The following PAK2 variants were observed in gnomAD, a reference collection of about 807,000 sequenced individuals.
The protein encoded by PAK2 is p21 (RAC1) activated kinase 2.
In PAK2, 21 loss-of-function variants were observed where a neutral mutation model predicts 65.9. That is an observed-to-expected ratio of 0.32 (90% CI 0.23 to 0.46). PAK2 has a LOEUF of 0.46. PAK2 is among the 20% of genes least tolerant of loss of function. The pLI, the probability that PAK2 is intolerant of heterozygous loss-of-function variation, is 1.00. For synonymous variants in PAK2, 204 were observed against 219.7 expected (o/e 0.93, Z 0.63); for missense variants, 324 against 642.6 (o/e 0.50, Z 5.36).
At chr3:196,803,193 A>G in intron 4 of PAK2, 29 bp downstream of exon 4, 6 of 1,544,630 alleles carry the variant, frequency 3.9e-6, no homozygotes, top group Non-Finnish European at 5.2e-6. Context: ...GCTGGATCAG[A>G]TGGAGATTTG....
chr3:196,799,723 C>G (rs1715361043), intron 2 of PAK2, among the ~76,000 whole-genome samples: 1 of 152,136 alleles, frequency 6.6e-6, no homozygotes. Context: ...GACACAATCT[C>G]GGCTCACTGC....
Position 196,815,350 on chromosome 3 carries a change from G to T in PAK2, c.1053+782G>T, listed in dbSNP as rs187644003. On this transcript the variant is annotated intron_variant, in intron 11 of 14. Transcript: ENST00000327134. ...CTACTAAAAATACAAAAATTAGCCA[G>T]GCATGGTGGTGCACGCCTGTAATCC... 2.4e-4 allele frequency among the ~76,000 whole-genome samples: 36 copies of T among 151,868 alleles called. 1 individual carries two copies. The East Asian group carries it at 5.6e-3, about 24-fold the overall frequency.
rs944697058 is a variant in PAK2, at chr3:196,791,648, G to T, written c.187+8815G>T. Among the ~76,000 whole-genome samples the T allele has an allele frequency of 7.9e-5, 12 of 151,990 alleles. 1 individual carries two copies. The highest frequency in any genetic ancestry group is 7.9e-4 in the Admixed American group (12 of 15,276). The stretch of plus-strand genomic sequence containing the variant: ...GTTAAGAAATATAATTCCTGGGCCG[G>T]GCGTGGTGGCTCACGCCTGTAATCC... On this transcript the variant is annotated intron_variant, in intron 2 of 14. Coordinates refer to ENST00000327134, the MANE Select transcript of PAK2 (RefSeq NM_002577.4). This position sits in a 1 kb window ranked among gnomAD's most constrained non-coding sequence, Gnocchi z 4.0.
intron 13 of PAK2, among the ~76,000 whole-genome samples, chr3:196,823,543 G>GCAAACAAA (rs200749102): frequency 4.0e-5 from 6 of 151,626 alleles, no homozygotes; most frequent in Admixed American, 2.0e-4. Flanking sequence ...CTGGATCCCC[G>GCAAACAAA]CAAACAAACA....
At chr3:196,799,211 A>T (rs538706407) in intron 2 of PAK2, among the ~76,000 whole-genome samples, 3 of 152,340 alleles carry the variant, frequency 2.0e-5, no homozygotes, top group African/African-American at 7.2e-5. Context: ...AGGATATAAG[A>T]TTAGTATTCA....
At chr3:196,816,121 C>G (rs899427548) in intron 11 of PAK2, among the ~76,000 whole-genome samples, 1 of 151,728 alleles carries the variant, frequency 6.6e-6, no homozygotes, top group Non-Finnish European at 1.5e-5. Flanking sequence ...GAATCACTGT[C>G]ACAAAGGGCA....
intron 14 of PAK2, among the ~76,000 whole-genome samples, chr3:196,828,112 A>T (rs1483456271): frequency 6.6e-6 from 1 of 152,190 alleles, no homozygotes; most frequent in Non-Finnish European, 1.5e-5. Flanking sequence ...TGTTGTGTGT[A>T]TATTTGTCAA....
chr3:196,781,794 C>T (rs1216900661), intron 1 of PAK2, among the ~76,000 whole-genome samples: 2 of 151,994 alleles, frequency 1.3e-5, no homozygotes, highest in Non-Finnish European at 2.9e-5. Flanking sequence ...GTAGTGAAAC[C>T]TCATCTCTAC....
At chr3:196,760,740 G>A (rs1713932025) in intron 1 of PAK2, among the ~76,000 whole-genome samples, 1 of 152,186 alleles carries the variant, frequency 6.6e-6, no homozygotes, top group African/African-American at 2.4e-5. Context: ...GAAACAAGGT[G>A]TGTCATTAGA....
At chr3:196,796,016 C>A (rs1481422611) in intron 2 of PAK2, among the ~76,000 whole-genome samples, 1 of 152,210 alleles carries the variant, frequency 6.6e-6, no homozygotes, top group Non-Finnish European at 1.5e-5. Context: ...ACCTGGATCC[C>A]TCGCGTGTGC....
In PAK2 at chr3:196,801,901, TTC is replaced by T. The variant is rs760294775; in HGVS notation, c.188-22_188-21del. On this transcript the variant is annotated intron_variant, in intron 2 of 14. Transcript: ENST00000327134. ...AGTCTTGTTTAAATAGGCTGATTCT[TTC>T]TCTTTTTTTCTAATGCCCCCTAGGA... 2.6e-6 allele frequency: 3 copies of T among 1,159,778 alleles called. No homozygotes were observed. The South Asian group carries it at 3.7e-5, about 14-fold the overall frequency. The allele number at this position is 1,159,778 out of a possible 1,614,324, so 71.8% of individuals were successfully genotyped here.
At chr3:196,748,881 C>A (rs1360070383) in intron 1 of PAK2, among the ~76,000 whole-genome samples, 1 of 152,138 alleles carries the variant, frequency 6.6e-6, no homozygotes, top group Non-Finnish European at 1.5e-5. Flanking sequence ...TTATCACCAC[C>A]ATCCATCTCC....
chr3:196,805,300 A>G, intron 4 of PAK2, 52 bp from the exon 5 acceptor site: 1 of 931,994 alleles, frequency 1.1e-6, no homozygotes, highest in Non-Finnish European at 1.7e-6. Flanking sequence ...CTTTTATCAT[A>G]TAAAAGTGCT....
chr3:196,750,603 A>G (rs986391774), intron 1 of PAK2, among the ~76,000 whole-genome samples: 5 of 151,808 alleles, frequency 3.3e-5, no homozygotes, highest in Admixed American at 6.6e-5. Flanking sequence ...TTTTTGTTCA[A>G]TAAATTATTC....
At chr3:196,742,978 T>C (rs1713257818) in intron 1 of PAK2, among the ~76,000 whole-genome samples, 1 of 152,140 alleles carries the variant, frequency 6.6e-6, no homozygotes, top group African/African-American at 2.4e-5. Context: ...GTCGTAAAGG[T>C]TTCCATCAGT....
chr3:196,812,090 C>T (rs1715847115), intron 8 of PAK2, 129 bp from the exon 9 acceptor site: 1 of 577,788 alleles, frequency 1.7e-6, no homozygotes, highest in Non-Finnish European at 3.2e-6. Context: ...TGCTTTTACT[C>T]CTTTTAAGCA....
At chr3:196,759,498 G>GTTTTTGTTTTTTTTTTTTTTTTTT (rs1713882169) in intron 1 of PAK2, among the ~76,000 whole-genome samples, 1 of 108,116 alleles carries the variant, frequency 9.2e-6, no homozygotes, top group Non-Finnish European at 1.8e-5. Context: ...GGTTTTTTTT[G>GTTTTTGTTTTTTTTTTTTTTTTTT]TTTTTTTTTT....
chr3:196,806,899 C>T (rs140018030), intron 6 of PAK2, among the ~76,000 whole-genome samples: 189 of 152,252 alleles, frequency 1.2e-3, no homozygotes, highest in African/African-American at 4.4e-3. Context: ...TAAAAGTTAA[C>T]GCACTCACCT....
At position 196,782,677 on chromosome 3, in the gene PAK2, C is replaced by G; in HGVS notation, c.31C>G (p.Pro11Ala). The change falls in exon 2 of 15, where the codon CCT becomes GCT. Residue 11 changes from proline to alanine, a missense_variant. Physicochemically the swap from Pro to Ala is conservative, Grantham distance 27. This residue lies in a region of PAK2 where 42 missense variants were observed against 67.4 expected (regional missense o/e 0.62). Transcript: ENST00000327134. MSDNGELEDKPPAPPVRMSST... is the reference protein window; with the variant it reads MSDNGELEDKAPAPPVRMSST... Reference sequence around the variant, plus strand: ...TGATAACGGAGAACTGGAAGATAAGCCTCCAGCACCTCCTGTGCGAATGAG... The same window carrying G: ...TGATAACGGAGAACTGGAAGATAAGGCTCCAGCACCTCCTGTGCGAATGAG... 6.2e-7 allele frequency: 1 copy of G among 1,604,250 alleles called. No homozygotes were observed. The highest frequency in any genetic ancestry group is 2.2e-5 in the East Asian group (1 of 44,548).
Sources: gnomAD v4.1 joint callset for allele counts (sites outside exome capture counted in the v4.1 genomes callset) on GRCh38, gnomAD v4.1.1 for gene constraint, gnomAD v4.1.1 regional missense constraint, Gnocchi (gnomAD v3.1) non-coding constraint, MANE v1.5 for transcripts, NCBI Gene and HGNC (gene_info 2026-07-23, HGNC 2026-07-21) for gene names.